The following CELF2 variants were observed in gnomAD, a reference collection of about 807,000 sequenced individuals.
CELF2 encodes CUGBP Elav-like family member 2, also known as CUG triplet repeat RNA-binding protein 2.
CELF2 carries 8 observed loss-of-function variants against 62.6 expected under a neutral mutation model. The observed-to-expected ratio is 0.13, with a 90% CI of 0.07 to 0.23. The LOEUF (loss-of-function observed/expected upper bound fraction) is 0.23. Ranked by LOEUF, CELF2 falls within the 10% of genes least tolerant of loss-of-function variation. The pLI, the probability that CELF2 is intolerant of heterozygous loss-of-function variation, is 1.00. For missense variants in CELF2, 333 were observed against 671.0 expected (o/e 0.50, Z 5.56); for synonymous variants, 258 against 250.0 (o/e 1.03, Z -0.30).
chr10:11,311,592 A>T lies in CELF2; in HGVS notation c.977-2547A>T, dbSNP rs1038489592. On this transcript the variant is annotated intron_variant, in intron 9 of 12. Coordinates refer to ENST00000633077, the MANE Select transcript of CELF2 (RefSeq NM_001326342.2). This position sits in a 1 kb window ranked among gnomAD's most constrained non-coding sequence, Gnocchi z 4.7. ...TACAGCTAATATGTTTACATATTAA[A>T]AGAATTTGAAAAGCGAAAAAGCCAC... is the stretch of plus-strand genomic sequence containing the variant. Among the ~76,000 whole-genome samples, 2 of 152,240 alleles carry T rather than the reference A, an allele frequency of 1.3e-5. No homozygotes were observed. Among genetic ancestry groups the T allele is most frequent in the Non-Finnish European group, 2.9e-5 (2 of 68,034 alleles).
the CELF2 span, among the ~76,000 whole-genome samples, chr10:10,572,497 C>T: frequency 7.2e-5 from 11 of 152,002 alleles, no homozygotes; most frequent in African/African-American, 2.2e-4. Flanking sequence ...CCCTAATGCT[C>T]TCCCTCCCCC....
rs56259419 is a variant in CELF2 at position 11,127,137 on chromosome 10, A to C, written c.75-38349A>C. Among the ~76,000 whole-genome samples the C allele has an allele frequency of 2.4e-3, 365 of 152,234 alleles. 1 individual carries two copies. The highest frequency in any genetic ancestry group is 8.2e-3 in the African/African-American group (340 of 41,546). On this transcript the variant is annotated intron_variant, in intron 1 of 12. Coordinates refer to ENST00000633077, the MANE Select transcript of CELF2 (RefSeq NM_001326342.2). ...TCAGTTCCCACCTATGAGTGAGAACATGTGGTGTTTGGTTTTCTGTCCTTA... is the reference window on the plus strand; with the variant it reads ...TCAGTTCCCACCTATGAGTGAGAACCTGTGGTGTTTGGTTTTCTGTCCTTA...
At chr10:10,539,849 C>G in the CELF2 span, among the ~76,000 whole-genome samples, 2 of 152,180 alleles carry the variant, frequency 1.3e-5, no homozygotes, top group African/African-American at 4.8e-5. Context: ...ACTTGGCTAC[C>G]TGAAGCAGAA....
At position 11,306,200 on chromosome 10, in the gene CELF2, G is replaced by A. The variant is rs1263101304; in HGVS notation, c.977-7939G>A. Among the ~76,000 whole-genome samples, 4 of 151,944 alleles carry A rather than the reference G, an allele frequency of 2.6e-5. No homozygotes were observed. Among genetic ancestry groups the A allele is most frequent in the African/African-American group, 9.7e-5 (4 of 41,380 alleles). On this transcript the variant is annotated intron_variant, in intron 9 of 12. Transcript: ENST00000633077. This position sits in a 1 kb window ranked among gnomAD's most constrained non-coding sequence, Gnocchi z 4.4. ...TTGTTCTGCCTCCTCCTGCTTGGATGGTGCAGCCTCTGCTTGAAGAGGTGT... is the reference window on the plus strand; with the variant it reads ...TTGTTCTGCCTCCTCCTGCTTGGATAGTGCAGCCTCTGCTTGAAGAGGTGT...
the CELF2 span, among the ~76,000 whole-genome samples, chr10:10,639,513 G>A: frequency 2.0e-5 from 3 of 152,192 alleles, no homozygotes; most frequent in East Asian, 1.9e-4. Flanking sequence ...TATTAAATTC[G>A]CTTGTTTTAA....
intron 1 of CELF2, among the ~76,000 whole-genome samples, chr10:10,865,144 A>G (rs192391176): frequency 6.6e-6 from 1 of 152,346 alleles, no homozygotes; most frequent in East Asian, 1.9e-4. Context: ...ATTAAACAGA[A>G]TTCACCACTC....
the CELF2 span, among the ~76,000 whole-genome samples, chr10:10,783,278 C>G: frequency 6.6e-6 from 1 of 152,222 alleles, no homozygotes; most frequent in Admixed American, 6.5e-5. Context: ...AGCCCTAATC[C>G]GGTATGACTG....
the CELF2 span, among the ~76,000 whole-genome samples, chr10:10,704,063 T>C: frequency 6.6e-6 from 1 of 152,208 alleles, no homozygotes; most frequent in Non-Finnish European, 1.5e-5. Flanking sequence ...CACTCTCACT[T>C]CAGTACTCTG....
the CELF2 span, among the ~76,000 whole-genome samples, chr10:10,516,959 A>T: frequency 6.6e-6 from 1 of 152,090 alleles, no homozygotes; most frequent in Non-Finnish European, 1.5e-5. Flanking sequence ...GCAGCACAGC[A>T]TGTCCCCTCT....
chr10:10,883,481 G>C (rs367759920), intron 1 of CELF2, among the ~76,000 whole-genome samples: 12 of 152,296 alleles, frequency 7.9e-5, no homozygotes, highest in African/African-American at 2.6e-4. Flanking sequence ...GTTGTCTACG[G>C]AAACTGGCCC....
chr10:10,886,654 C>G (rs1325163636), intron 1 of CELF2, among the ~76,000 whole-genome samples: 1 of 152,156 alleles, frequency 6.6e-6, no homozygotes, highest in Admixed American at 6.5e-5. Context: ...CTAGGCAATA[C>G]AGTGAGACAC....
upstream of CELF2, chr10:10,794,743 A>G (rs2296019): frequency 0.29 from 43,887 of 152,048 alleles, 7,029 homozygotes; most frequent in East Asian, 0.52. Context: ...CTCGTGCCAC[A>G]AGGCCCATCC....
chr10:10,827,373 C>T (rs1328115335), intron 1 of CELF2, among the ~76,000 whole-genome samples: 11 of 152,252 alleles, frequency 7.2e-5, no homozygotes, highest in Non-Finnish European at 1.5e-4. Flanking sequence ...TTCATCACGT[C>T]TCCTTCTGAG....
At chr10:10,576,330 C>CT in the CELF2 span, among the ~76,000 whole-genome samples, 2 of 152,020 alleles carry the variant, frequency 1.3e-5, no homozygotes, top group African/African-American at 4.8e-5. Flanking sequence ...TTTTGGAGTC[C>CT]TTTTTTTTAA....
chr10:10,737,554 C>A, the CELF2 span, among the ~76,000 whole-genome samples: 1 of 152,070 alleles, frequency 6.6e-6, no homozygotes, highest in Non-Finnish European at 1.5e-5. Flanking sequence ...AGATGGAATA[C>A]ATTTGCGAAG....
the CELF2 span, among the ~76,000 whole-genome samples, chr10:10,521,239 A>G: frequency 2.1e-3 from 317 of 152,292 alleles, 1 homozygote; most frequent in African/African-American, 7.4e-3. Context: ...CTCAGTGAGC[A>G]CAGTTACCGC....
At chr10:10,774,679 C>T in the CELF2 span, among the ~76,000 whole-genome samples, 1 of 152,046 alleles carries the variant, frequency 6.6e-6, no homozygotes, top group African/African-American at 2.4e-5. Context: ...GAAGCCTGAG[C>T]CAATTAAACC....
chr10:11,154,909 G>A lies in CELF2; in HGVS notation c.75-10577G>A, dbSNP rs548172058. ...ACAATCACAGGTAGGGAAAAACCCA[G>A]CAGGATACTTAGTCAGCATTAACCC... On this transcript the variant is annotated intron_variant, in intron 1 of 12. Transcript: ENST00000633077. Among the ~76,000 whole-genome samples, 6 of 152,266 alleles carry A rather than the reference G, an allele frequency of 3.9e-5. 1 individual carries two copies. In the South Asian group the frequency reaches 6.2e-4, roughly 16 times the overall value.
At chr10:10,705,600 G>T in the CELF2 span, among the ~76,000 whole-genome samples, 1 of 152,110 alleles carries the variant, frequency 6.6e-6, no homozygotes, top group Non-Finnish European at 1.5e-5. Context: ...GCACTTAAGA[G>T]ATCAGAAAAC....
Sources: gnomAD v4.1 joint callset for allele counts (sites outside exome capture counted in the v4.1 genomes callset) on GRCh38, gnomAD v4.1.1 for gene constraint, Gnocchi (gnomAD v3.1) non-coding constraint, MANE v1.5 for transcripts, NCBI Gene and HGNC (gene_info 2026-07-23, HGNC 2026-07-21) for gene names.